BRINP2: variants seen among roughly 807,000 people sequenced by gnomAD.
BRINP2 encodes BMP/retinoic acid-inducible neural-specific protein 2.
BRINP2 carries 21 observed loss-of-function variants against 69.2 expected under a neutral mutation model. That is an observed-to-expected ratio of 0.30 (90% CI 0.22 to 0.44). The LOEUF is 0.44. BRINP2 is among the 20% of genes least tolerant of loss of function. BRINP2 has a pLI of 1.00. For synonymous variants in BRINP2, 380 were observed against 394.1 expected (o/e 0.96, Z 0.42); for missense variants, 877 against 986.0 (o/e 0.89, Z 1.48).
At chr1:177,210,010 C>T (rs1247751749) in intron 1 of BRINP2, among the ~76,000 whole-genome samples, 1 of 152,050 alleles carries the variant, frequency 6.6e-6, no homozygotes, top group Non-Finnish European at 1.5e-5. Context: ...TTTTCTAATT[C>T]ATTCTGTGGT....
intron 1 of BRINP2, among the ~76,000 whole-genome samples, chr1:177,192,215 C>T (rs984821395): frequency 3.9e-5 from 6 of 152,148 alleles, no homozygotes; most frequent in Admixed American, 1.3e-4. Flanking sequence ...TGGGAATCTT[C>T]ATCAATCTCC....
intron 4 of BRINP2, among the ~76,000 whole-genome samples, chr1:177,260,440 G>T (rs1650906897): frequency 1.3e-5 from 2 of 152,216 alleles, no homozygotes; most frequent in South Asian, 4.1e-4. Context: ...TAAAGCAGTG[G>T]CAGGGATTCA....
At chr1:177,238,382 C>T (rs529003221) in intron 2 of BRINP2, among the ~76,000 whole-genome samples, 30 of 152,324 alleles carry the variant, frequency 2.0e-4, no homozygotes, top group Admixed American at 1.1e-3. Context: ...CCTGCCTTTG[C>T]CCCAAACTAA....
intron 1 of BRINP2, among the ~76,000 whole-genome samples, chr1:177,175,293 G>GA (rs1448794092): frequency 1.3e-5 from 2 of 152,080 alleles, no homozygotes; most frequent in African/African-American, 4.8e-5. Context: ...AGCGGGGTGG[G>GA]GGGGGCAGGA....
intron 1 of BRINP2, among the ~76,000 whole-genome samples, chr1:177,224,341 T>G (rs753356559): frequency 9.8e-5 from 15 of 152,350 alleles, no homozygotes; most frequent in Non-Finnish European, 1.9e-4. Flanking sequence ...AGGCAAAAAT[T>G]CCTGCTTTAT....
chr1:177,197,600 G>C (rs1299516659), intron 1 of BRINP2, among the ~76,000 whole-genome samples: 1 of 152,156 alleles, frequency 6.6e-6, no homozygotes. Context: ...GGTAGGCCTT[G>C]ATCTTGAACT....
chr1:177,256,482 T>A (rs1307301329), intron 3 of BRINP2: 5 of 985,272 alleles, frequency 5.1e-6, no homozygotes. Context: ...AAAGTCGAAG[T>A]CCCTGGAGTC....
intron 2 of BRINP2, among the ~76,000 whole-genome samples, chr1:177,232,262 G>A (rs1486242140): frequency 6.6e-6 from 1 of 152,174 alleles, no homozygotes; most frequent in African/African-American, 2.4e-5. Context: ...CAGCCTGGTA[G>A]CCACTTAGCA....
chr1:177,231,538 G>T (rs1649861482), intron 2 of BRINP2, among the ~76,000 whole-genome samples: 1 of 152,208 alleles, frequency 6.6e-6, no homozygotes, highest in South Asian at 2.1e-4. Flanking sequence ...CCACACTTGG[G>T]TGCAGACAAA....
intron 1 of BRINP2, among the ~76,000 whole-genome samples, chr1:177,221,076 T>G (rs1259544595): frequency 6.6e-6 from 1 of 152,198 alleles, no homozygotes; most frequent in African/African-American, 2.4e-5. Flanking sequence ...GATAACCTCA[T>G]GTGAATACAG....
intron 2 of BRINP2, among the ~76,000 whole-genome samples, chr1:177,249,141 G>A (rs921875866): frequency 2.6e-5 from 4 of 152,062 alleles, no homozygotes; most frequent in East Asian, 1.9e-4. Flanking sequence ...TCTGAGTGTC[G>A]GTATGCTTGG....
chr1:177,173,490 C>G (rs1427092743), intron 1 of BRINP2, among the ~76,000 whole-genome samples: 6 of 152,298 alleles, frequency 3.9e-5, no homozygotes, highest in Non-Finnish European at 2.9e-5. Flanking sequence ...CTGGCTTTGT[C>G]TCCCAGAATG....
intron 1 of BRINP2, among the ~76,000 whole-genome samples, chr1:177,212,556 A>C (rs1266335205): frequency 6.6e-6 from 1 of 152,120 alleles, no homozygotes; most frequent in Non-Finnish European, 1.5e-5. Context: ...AAAAAAAAAA[A>C]AAATTTATTG....
At chr1:177,258,725 A>G (rs1650848754) in intron 4 of BRINP2, among the ~76,000 whole-genome samples, 1 of 152,046 alleles carries the variant, frequency 6.6e-6, no homozygotes, top group South Asian at 2.1e-4. Context: ...TTGTTATTTT[A>G]TCTGTTATGG....
At chr1:177,277,298 TA>T (rs1167074436) in intron 6 of BRINP2, among the ~76,000 whole-genome samples, 40 of 151,114 alleles carry the variant, frequency 2.6e-4, no homozygotes, top group Non-Finnish European at 4.9e-4. Context: ...TGTTGAAAAA[TA>T]AAAAATATGT....
At chr1:177,181,927 G>A (rs964824664) in intron 1 of BRINP2, among the ~76,000 whole-genome samples, 10 of 152,232 alleles carry the variant, frequency 6.6e-5, no homozygotes, top group Non-Finnish European at 1.0e-4. Flanking sequence ...CCCGGAGGTT[G>A]CCGAGGAGTG....
At chr1:177,246,961 C>T (rs1341202215) in intron 2 of BRINP2, among the ~76,000 whole-genome samples, 1 of 152,152 alleles carries the variant, frequency 6.6e-6, no homozygotes, top group Non-Finnish European at 1.5e-5. Flanking sequence ...CCTTAAGCCC[C>T]TAAAATGTCC....
chr1:177,250,576 T>C (rs891825361), intron 2 of BRINP2, among the ~76,000 whole-genome samples: 1 of 152,228 alleles, frequency 6.6e-6, no homozygotes, highest in Admixed American at 6.5e-5. Context: ...CCACCCGCCT[T>C]GGCCTCCCAA....
chr1:177,275,074 T>C, intron 5 of BRINP2: 1 of 454,412 alleles, frequency 2.2e-6, no homozygotes, highest in South Asian at 1.6e-5. Flanking sequence ...CTCACTTTCC[T>C]GGCACAAGGT....
Sources: allele counts gnomAD v4.1 joint callset (sites outside exome capture counted in the v4.1 genomes callset), GRCh38; gene constraint gnomAD v4.1.1; transcripts MANE v1.5; gene names NCBI Gene and HGNC (gene_info 2026-07-23, HGNC 2026-07-21).